Variants in TBC1D5 observed in about 807,000 individuals in gnomAD.
TBC1D5 encodes the protein TBC1 domain family, member 5.
In TBC1D5, 75 loss-of-function variants were observed where a neutral mutation model predicts 100.3. That is an observed-to-expected ratio of 0.75 (90% confidence interval 0.62 to 0.91). The LOEUF is 0.91. Among genes scored for constraint, TBC1D5 ranks in the 40% least tolerant of loss-of-function variants. The pLI, the probability that TBC1D5 is intolerant of heterozygous loss-of-function variation, is 0.00. For synonymous variants in TBC1D5, 323 were observed against 325.6 expected, an observed-to-expected ratio of 0.99 and a Z score of 0.09; for missense variants, 910 against 942.4, an observed-to-expected ratio of 0.97 and a Z score of 0.45.
intron 4 of TBC1D5, among the ~76,000 whole-genome samples, chr3:17,421,185 A>C (rs892331447): frequency 6.6e-6 from 1 of 152,204 alleles, no homozygotes; most frequent in African/African-American, 2.4e-5. Context: ...ATAATACGTT[A>C]CTTCGAGAAG....
At chr3:17,408,338 CT>C (rs1293872756) in intron 4 of TBC1D5, among the ~76,000 whole-genome samples, 4 of 151,482 alleles carry the variant, frequency 2.6e-5, no homozygotes, top group Admixed American at 2.6e-4. Flanking sequence ...GAGACAAGGT[CT>C]CACTTGGTCA....
intron 1 of TBC1D5, among the ~76,000 whole-genome samples, chr3:17,687,459 C>G (rs1379122536): frequency 6.6e-6 from 1 of 151,982 alleles, no homozygotes; most frequent in Non-Finnish European, 1.5e-5. Flanking sequence ...GGTCACATCC[C>G]TCCCAAATCA....
intron 1 of TBC1D5, among the ~76,000 whole-genome samples, chr3:17,637,395 G>A (rs923051679): frequency 1.3e-5 from 2 of 151,068 alleles, no homozygotes; most frequent in Non-Finnish European, 2.9e-5. Flanking sequence ...GAATGTAGCC[G>A]AGTTTCTATG....
intron 2 of TBC1D5, among the ~76,000 whole-genome samples, chr3:17,614,017 C>T (rs911006577): frequency 3.3e-5 from 5 of 152,010 alleles, no homozygotes; most frequent in East Asian, 1.9e-4. Flanking sequence ...TTATGGTTTT[C>T]GGTCTAACAT....
intron 13 of TBC1D5, chr3:17,337,244 T>C (rs1414984292): frequency 6.6e-6 from 1 of 151,166 alleles, no homozygotes; most frequent in Non-Finnish European, 1.5e-5. Context: ...GATTCTAAAA[T>C]TGCTGGTCCA....
intron 2 of TBC1D5, among the ~76,000 whole-genome samples, chr3:17,558,149 A>G (rs1168756417): frequency 6.6e-6 from 1 of 152,216 alleles, no homozygotes; most frequent in East Asian, 1.9e-4. Flanking sequence ...ATAAGAAACG[A>G]AAGTCAACTC....
chr3:17,614,299 A>G (rs1413033196), intron 2 of TBC1D5, among the ~76,000 whole-genome samples: 4 of 152,148 alleles, frequency 2.6e-5, no homozygotes, highest in Admixed American at 6.5e-5. Context: ...GCCTTGTAGT[A>G]TAGTTTGAAG....
intron 9 of TBC1D5, among the ~76,000 whole-genome samples, chr3:17,380,802 A>G (rs1388600087): frequency 3.3e-5 from 5 of 152,078 alleles, no homozygotes; most frequent in Non-Finnish European, 2.9e-5. Flanking sequence ...AAAGTTCATT[A>G]ATACCATTTA....
chr3:17,652,129 T>C (rs773775125), intron 1 of TBC1D5, among the ~76,000 whole-genome samples: 3 of 152,146 alleles, frequency 2.0e-5, no homozygotes, highest in Non-Finnish European at 4.4e-5. Flanking sequence ...ACAGACAAAT[T>C]TGTAAGTCTC....
intron 2 of TBC1D5, among the ~76,000 whole-genome samples, chr3:17,540,817 G>T (rs1293169954): frequency 1.4e-5 from 2 of 138,324 alleles, no homozygotes; most frequent in East Asian, 4.6e-4. Context: ...TGAGGCAGGA[G>T]AATCGCTTGA....
At chr3:17,710,597 T>C (rs1415581238) in intron 1 of TBC1D5, among the ~76,000 whole-genome samples, 1 of 150,440 alleles carries the variant, frequency 6.6e-6, no homozygotes, top group Non-Finnish European at 1.5e-5. Context: ...TAAATAAAAA[T>C]ATATTGATAA....
intron 4 of TBC1D5, among the ~76,000 whole-genome samples, 170 bp downstream of exon 4, chr3:17,428,280 T>A (rs1188162391): frequency 6.6e-6 from 1 of 151,474 alleles, no homozygotes; most frequent in African/African-American, 2.4e-5. Flanking sequence ...GAAAATAACA[T>A]AACACAATAT....
chr3:17,689,280 C>T (rs1268155198), intron 1 of TBC1D5, among the ~76,000 whole-genome samples: 1 of 152,164 alleles, frequency 6.6e-6, no homozygotes, highest in Non-Finnish European at 1.5e-5. Flanking sequence ...TGGCTCACGA[C>T]TGTAATCCCA....
At chr3:17,730,548 G>C (rs2076473340) in intron 1 of TBC1D5, among the ~76,000 whole-genome samples, 2 of 152,178 alleles carry the variant, frequency 1.3e-5, no homozygotes, top group South Asian at 4.1e-4. Context: ...TAAACTGCCA[G>C]CTATGTAAGT....
At chr3:17,177,224 T>G (rs1321098792) in intron 19 of TBC1D5, among the ~76,000 whole-genome samples, 2 of 152,220 alleles carry the variant, frequency 1.3e-5, no homozygotes, top group Non-Finnish European at 2.9e-5. Context: ...TTGGACAGTC[T>G]GTACTGAGGC....
chr3:17,525,240 C>T (rs932260161), intron 2 of TBC1D5, among the ~76,000 whole-genome samples: 2 of 152,134 alleles, frequency 1.3e-5, no homozygotes, highest in African/African-American at 4.8e-5. Flanking sequence ...AGCAATTCTC[C>T]TGCCTCAGCC....
chr3:17,185,393 T>C (rs1559370339), intron 18 of TBC1D5, among the ~76,000 whole-genome samples, 185 bp from the exon 20 acceptor site: 1 of 152,044 alleles, frequency 6.6e-6, no homozygotes, highest in South Asian at 2.1e-4. Context: ...AAGGGTAAAA[T>C]GGAAAATTTT....
Position 17,247,542 on chromosome 3 carries a change from T to C in TBC1D5, c.1332-9123A>G, listed in dbSNP as rs183387395. ...ATGGAGGGTCTTGTCTCAATGTTGA[T>C]GGCTTGTGACTAATCAGGGTGGTAG... On this transcript the variant is annotated intron_variant, in intron 16 of 21. Transcript: ENST00000253692. Among the ~76,000 whole-genome samples, 906 of 152,338 alleles carry C rather than the reference T, an allele frequency of 5.9e-3. 6 individuals are homozygous for C. The highest frequency in any genetic ancestry group is 0.044 in the Middle Eastern group (13 of 294).
chr3:17,639,206 C>T (rs990281154), intron 1 of TBC1D5, among the ~76,000 whole-genome samples: 10 of 152,084 alleles, frequency 6.6e-5, no homozygotes, highest in Admixed American at 3.3e-4. Context: ...GAAGAAATTA[C>T]GGATACCATG....
Sources: allele counts gnomAD v4.1 joint callset (sites outside exome capture counted in the v4.1 genomes callset), GRCh38; gene constraint gnomAD v4.1.1; transcripts MANE v1.5; gene names NCBI Gene and HGNC (gene_info 2026-07-23, HGNC 2026-07-21).